NFIX: variants seen among roughly 807,000 people sequenced by gnomAD.
NFIX encodes nuclear factor I X.
In NFIX, 2 loss-of-function variants were observed where a neutral mutation model predicts 53.3. That is an observed-to-expected ratio of 0.04 (90% CI 0.02 to 0.12). NFIX has a LOEUF of 0.12. Among genes scored for constraint, NFIX ranks in the 10% least tolerant of loss-of-function variants. The pLI, the probability that NFIX is intolerant of heterozygous loss-of-function variation, is 1.00. For synonymous variants in NFIX, 244 were observed against 289.0 expected, an observed-to-expected ratio of 0.84 and a Z score of 1.58; for missense variants, 310 against 674.5, an observed-to-expected ratio of 0.46 and a Z score of 5.99.
rs2011481001 is a variant in NFIX at position 12,996,700 on chromosome 19, G to A, written c.27+836G>A. Among the ~76,000 whole-genome samples, 1 of 152,200 alleles carries A rather than the reference G, an allele frequency of 6.6e-6. No homozygotes were observed. Among genetic ancestry groups the A allele is most frequent in the Non-Finnish European group, 1.5e-5 (1 of 68,004 alleles). On this transcript the variant is annotated intron_variant, in intron 1 of 10. Transcript: ENST00000592199. The surrounding 1 kb of genome is among the most constrained non-coding windows in gnomAD (Gnocchi z 5.2). ...GGGGAATCCCGTCCCGTCGCCTGGA[G>A]GCGGGAGGGGCGGGAGGCAGCCGTG...
chr19:13,004,826 T>C (rs977936637), intron 1 of NFIX, among the ~76,000 whole-genome samples: 2 of 151,700 alleles, frequency 1.3e-5, no homozygotes, highest in African/African-American at 2.4e-5. Context: ...GGTTCTTTTT[T>C]TTTTTTTTTT....
rs1003472330 is a variant in NFIX at position 13,022,094 on chromosome 19, G to C, written c.28-2927G>C. Among the ~76,000 whole-genome samples, 4 of 152,158 alleles carry C rather than the reference G, an allele frequency of 2.6e-5. No individual in the cohort carries two copies. The highest frequency in any genetic ancestry group is 9.7e-5 in the African/African-American group (4 of 41,414). On this transcript the variant is annotated intron_variant, in intron 1 of 10. Coordinates refer to ENST00000592199, the MANE Select transcript of NFIX (RefSeq NM_001365902.3). The surrounding 1 kb of genome is among the most constrained non-coding windows in gnomAD (Gnocchi z 4.5). The stretch of plus-strand genomic sequence containing the variant: ...AAATGCCTGTGCAGTGGTGAGGGGC[G>C]TTGGTCAGATTCCTTGCCTCTGCTC...
At chr19:13,082,149 C>G in intron 8 of NFIX, 1 of 401,220 alleles carries the variant, frequency 2.5e-6, no homozygotes, top group Non-Finnish European at 4.5e-6. Context: ...GGAGTGAACT[C>G]ATGATGATCC....
rs1555695242 is a variant in NFIX, at chr19:13,015,808, A to ACACACACG, written c.28-9208_28-9207insACGCACAC. 3.6e-3 allele frequency among the ~76,000 whole-genome samples: 540 copies of ACACACACG among 150,800 alleles called. 5 individuals carry two copies. In the East Asian group the frequency reaches 0.054, roughly 15 times the overall value. On this transcript the variant is annotated intron_variant, in intron 1 of 10. Coordinates refer to ENST00000592199, the MANE Select transcript of NFIX (RefSeq NM_001365902.3). ...AGAGAGATCACACACACACACACACACACACGCACACGCACACGCACTCTG... is the reference window on the plus strand; with the variant it reads ...AGAGAGATCACACACACACACACACACACACACGCACACGCACACGCACACGCACTCTG...
intron 6 of NFIX, among the ~76,000 whole-genome samples, chr19:13,075,878 G>A (rs1278589261): frequency 3.3e-5 from 5 of 152,216 alleles, no homozygotes; most frequent in Admixed American, 1.3e-4. Context: ...TGCTGTGAGA[G>A]TCAGCAGCAG....
chr19:13,081,620 C>A lies in NFIX; in HGVS notation c.1079-60C>A. The A allele has an allele frequency of 6.4e-7, 1 of 1,557,984 alleles. No homozygotes were observed. The highest frequency in any genetic ancestry group is 8.7e-7 in the Non-Finnish European group (1 of 1,146,686). On this transcript the variant is annotated intron_variant, in intron 7 of 10. Coordinates refer to ENST00000592199, the MANE Select transcript of NFIX (RefSeq NM_001365902.3). The surrounding 1 kb of genome is among the most constrained non-coding windows in gnomAD (Gnocchi z 4.7). ...CCGGCAGCTCCCCTCCTCTCCTGTCCCTCCCACTGGCTGCCTCCTTGGCCC... is the reference window on the plus strand; with the variant it reads ...CCGGCAGCTCCCCTCCTCTCCTGTCACTCCCACTGGCTGCCTCCTTGGCCC...
intron 2 of NFIX, among the ~76,000 whole-genome samples, chr19:13,054,163 G>A (rs2015502921): frequency 1.3e-5 from 2 of 152,204 alleles, no homozygotes; most frequent in African/African-American, 4.8e-5. Context: ...GACAGATCTG[G>A]ACAGAGAAGG....
At chr19:13,048,245 G>A (rs558480998) in intron 2 of NFIX, among the ~76,000 whole-genome samples, 1 of 152,200 alleles carries the variant, frequency 6.6e-6, no homozygotes, top group African/African-American at 2.4e-5. Context: ...CTTCTTTCCA[G>A]CTACCAGGCA....
At chr19:13,008,765 A>G (rs572837647) in intron 1 of NFIX, among the ~76,000 whole-genome samples, 48 of 151,612 alleles carry the variant, frequency 3.2e-4, no homozygotes, top group South Asian at 1.0e-3. Flanking sequence ...CCCCCTCCAA[A>G]CCCCAGCAAG....
intron 7 of NFIX, among the ~76,000 whole-genome samples, chr19:13,079,216 C>T (rs900877610): frequency 2.0e-5 from 3 of 152,240 alleles, no homozygotes; most frequent in African/African-American, 7.2e-5. Flanking sequence ...AGCCCAGGCT[C>T]CTGCGGCAAG....
At chr19:13,044,077 C>CT (rs1391606535) in intron 2 of NFIX, among the ~76,000 whole-genome samples, 2 of 152,234 alleles carry the variant, frequency 1.3e-5, no homozygotes, top group African/African-American at 4.8e-5. Flanking sequence ...GTCCCCCACC[C>CT]TTTCTCTGTG....
chr19:13,034,149 T>C (rs1442212374), intron 2 of NFIX, among the ~76,000 whole-genome samples: 2 of 152,198 alleles, frequency 1.3e-5, no homozygotes, highest in African/African-American at 2.4e-5. Flanking sequence ...TGGCAGAGTC[T>C]CAGAGGAGAA....
At chr19:13,062,343 A>G (rs563391253) in intron 2 of NFIX, among the ~76,000 whole-genome samples, 12 of 152,320 alleles carry the variant, frequency 7.9e-5, no homozygotes, top group African/African-American at 2.9e-4. Context: ...AGGAGGGGGA[A>G]GATGTCAGCT....
rs145316067 is a variant in NFIX, at chr19:13,088,742, G to A, written c.1402+606G>A. On this transcript the variant is annotated intron_variant, in intron 9 of 10. Coordinates refer to ENST00000592199, the MANE Select transcript of NFIX (RefSeq NM_001365902.3). This position sits in a 1 kb window ranked among gnomAD's most constrained non-coding sequence, Gnocchi z 5.9. ...TTTCCCCCCCTTCCATCCCTCTCCC[G>A]TCCCTTCTCCGCAATTCCTTTCCCA... is the stretch of plus-strand genomic sequence containing the variant. 0.027 allele frequency among the ~76,000 whole-genome samples: 4,083 copies of A among 150,976 alleles called. 65 individuals are homozygous for A. Among genetic ancestry groups the A allele is most frequent in the Middle Eastern group, 0.066 (19 of 290 alleles).
At chr19:13,056,817 A>C (rs2015727497) in intron 2 of NFIX, among the ~76,000 whole-genome samples, 1 of 152,236 alleles carries the variant, frequency 6.6e-6, no homozygotes, top group African/African-American at 2.4e-5. Flanking sequence ...AGTGGAAGTC[A>C]AGGTTATGAA....
chr19:12,998,707 C>T lies in NFIX; in HGVS notation c.27+2843C>T, dbSNP rs562884856. 1.6e-4 allele frequency among the ~76,000 whole-genome samples: 24 copies of T among 152,240 alleles called. No homozygotes were observed. The highest frequency in any genetic ancestry group is 3.4e-3 in the Middle Eastern group (1 of 294). On this transcript the variant is annotated intron_variant, in intron 1 of 10. Coordinates refer to ENST00000592199, the MANE Select transcript of NFIX (RefSeq NM_001365902.3). The surrounding 1 kb of genome is among the most constrained non-coding windows in gnomAD (Gnocchi z 4.4). ...GGGGATGTAAGTGTCCTGTTCACAC[C>T]GATGTCCAGACCCACGACCATCGAC...
At chr19:13,020,708 G>A (rs1269562729) in intron 1 of NFIX, among the ~76,000 whole-genome samples, 1 of 152,116 alleles carries the variant, frequency 6.6e-6, no homozygotes, top group African/African-American at 2.4e-5. Flanking sequence ...GGTCCCTGAG[G>A]CTCTATTGAG....
chr19:13,031,173 A>G (rs2013773347), intron 2 of NFIX, among the ~76,000 whole-genome samples: 1 of 152,116 alleles, frequency 6.6e-6, no homozygotes, highest in Non-Finnish European at 1.5e-5. Flanking sequence ...TGTCCACCCA[A>G]CCAGTCAAGA....
chr19:13,003,920 G>T (rs148945445), intron 1 of NFIX, among the ~76,000 whole-genome samples: 1 of 151,770 alleles, frequency 6.6e-6, no homozygotes, highest in South Asian at 2.1e-4. Context: ...GACTACAGCC[G>T]AGCACCACCA....
Sources: allele counts gnomAD v4.1 joint callset (sites outside exome capture counted in the v4.1 genomes callset), GRCh38; gene constraint gnomAD v4.1.1; non-coding constraint Gnocchi (gnomAD v3.1); transcripts MANE v1.5; gene names NCBI Gene and HGNC (gene_info 2026-07-23, HGNC 2026-07-21).